LRRTM4: variants seen among roughly 807,000 people sequenced by gnomAD.
LRRTM4 encodes leucine rich repeat transmembrane neuronal 4, also known as leucine-rich repeat transmembrane neuronal protein 4.
A neutral mutation model predicts 47.6 loss-of-function variants in LRRTM4; 25 were observed. The ratio of observed to expected loss-of-function variants is 0.53; its 90% CI spans 0.38 to 0.73. The LOEUF (loss-of-function observed/expected upper bound fraction) is 0.73. Ranked by LOEUF, LRRTM4 falls within the 30% of genes least tolerant of loss-of-function variation. LRRTM4 has a pLI of 0.00. For synonymous variants in LRRTM4, 311 were observed against 269.5 expected, an observed-to-expected ratio of 1.15 and a Z score of -1.51; for missense variants, 638 against 713.4, an observed-to-expected ratio of 0.89 and a Z score of 1.20.
chr2:77,427,370 A>T (rs1675164272), intron 3 of LRRTM4, among the ~76,000 whole-genome samples: 1 of 152,242 alleles, frequency 6.6e-6, no homozygotes, highest in Non-Finnish European at 1.5e-5. Context: ...AAGGACTCTT[A>T]GTCCACAGTA....
chr2:77,108,556 T>G (rs1213227944), intron 3 of LRRTM4, among the ~76,000 whole-genome samples: 1 of 151,474 alleles, frequency 6.6e-6, no homozygotes, highest in Non-Finnish European at 1.5e-5. Context: ...AGTTATTTAA[T>G]TTTTTAAAGA....
chr2:77,473,724 G>A (rs191396959), intron 3 of LRRTM4, among the ~76,000 whole-genome samples: 6 of 152,176 alleles, frequency 3.9e-5, no homozygotes, highest in Admixed American at 2.6e-4. Context: ...TTTCAATAAA[G>A]TTACTGCCAG....
At chr2:76,956,614 T>C (rs1368930855) in intron 3 of LRRTM4, among the ~76,000 whole-genome samples, 1 of 150,704 alleles carries the variant, frequency 6.6e-6, no homozygotes, top group Non-Finnish European at 1.5e-5. Context: ...AAACACTTGA[T>C]AAGAAAAAAT....
chr2:77,257,039 T>C (rs9973471), intron 3 of LRRTM4, among the ~76,000 whole-genome samples: 1,702 of 152,014 alleles, frequency 0.011, 34 homozygotes, highest in African/African-American at 0.039. Flanking sequence ...AGAAGAAAAA[T>C]TGCGTGGTAA....
chr2:76,775,119 T>C (rs561105432), intron 3 of LRRTM4, among the ~76,000 whole-genome samples: 174 of 152,334 alleles, frequency 1.1e-3, no homozygotes, highest in African/African-American at 4.1e-3. Context: ...TTTGATTGGC[T>C]CTATCATAAA....
At chr2:77,487,526 C>T (rs1327507830) in intron 3 of LRRTM4, among the ~76,000 whole-genome samples, 1 of 152,192 alleles carries the variant, frequency 6.6e-6, no homozygotes, top group Non-Finnish European at 1.5e-5. Flanking sequence ...CTGAGGCCAG[C>T]TCAGCGTGGG....
At chr2:77,285,748 A>T (rs1325629618) in intron 3 of LRRTM4, among the ~76,000 whole-genome samples, 1 of 146,644 alleles carries the variant, frequency 6.8e-6, no homozygotes, top group Non-Finnish European at 1.5e-5. Context: ...TCTCAAAAAA[A>T]CAACAAAAAA....
At position 77,189,187 on chromosome 2, in the gene LRRTM4, G is replaced by A. The variant is rs898774996; in HGVS notation, c.1551+329131C>T. ...AAAGTAAAACCTACCAAGCTCTCTA[G>A]ATATATTTAAATCATCTAAACAATT... On this transcript the variant is annotated intron_variant, in intron 3 of 3. Coordinates refer to ENST00000409884, the MANE Select transcript of LRRTM4 (RefSeq NM_001134745.3). Among the ~76,000 whole-genome samples, 7 of 152,008 alleles carry A rather than the reference G, an allele frequency of 4.6e-5. No homozygotes were observed. In the East Asian group the frequency reaches 7.7e-4, roughly 17 times the overall value.
chr2:77,222,676 A>G (rs1361015024), intron 3 of LRRTM4, among the ~76,000 whole-genome samples: 1 of 152,210 alleles, frequency 6.6e-6, no homozygotes, highest in East Asian at 1.9e-4. Context: ...GAATCTTTGA[A>G]TAGACCAATA....
chr2:77,125,331 G>T (rs1303082859), intron 3 of LRRTM4, among the ~76,000 whole-genome samples: 1 of 152,140 alleles, frequency 6.6e-6, no homozygotes, highest in Non-Finnish European at 1.5e-5. Flanking sequence ...TGATGAAAAA[G>T]ATATTCTAGA....
intron 3 of LRRTM4, among the ~76,000 whole-genome samples, chr2:77,348,001 C>A (rs183446083): frequency 5.8e-4 from 86 of 149,200 alleles, no homozygotes; most frequent in Non-Finnish European, 4.9e-4. Context: ...TTGAAAAAAA[C>A]CAAACAATTA....
At chr2:77,006,051 C>T (rs770825681) in intron 3 of LRRTM4, among the ~76,000 whole-genome samples, 1 of 152,068 alleles carries the variant, frequency 6.6e-6, no homozygotes, top group East Asian at 1.9e-4. Flanking sequence ...AGAATACAAA[C>T]TCTTAAATGA....
chr2:77,407,682 TTAATA>T (rs1293247965), intron 3 of LRRTM4, among the ~76,000 whole-genome samples: 20 of 140,008 alleles, frequency 1.4e-4, no homozygotes, highest in Non-Finnish European at 2.3e-4. Context: ...TATATAATAT[TTAATA>T]TAATATATGA....
intron 3 of LRRTM4, among the ~76,000 whole-genome samples, chr2:77,423,722 A>G (rs1674994769): frequency 6.6e-6 from 1 of 152,212 alleles, no homozygotes; most frequent in Non-Finnish European, 1.5e-5. Flanking sequence ...ACTTCTCAAC[A>G]GTCAGAATTG....
At chr2:77,152,514 C>T (rs1573013680) in intron 3 of LRRTM4, among the ~76,000 whole-genome samples, 1 of 151,882 alleles carries the variant, frequency 6.6e-6, no homozygotes. Context: ...GTTTTTAGTA[C>T]AGACGGGGTT....
chr2:77,459,240 TACTTA>T (rs1676682279), intron 3 of LRRTM4, among the ~76,000 whole-genome samples: 1 of 152,130 alleles, frequency 6.6e-6, no homozygotes, highest in Non-Finnish European at 1.5e-5. Context: ...GCCAGGTTTT[TACTTA>T]ACTTTTGTTA....
chr2:76,796,890 T>C (rs1675359668), intron 3 of LRRTM4, among the ~76,000 whole-genome samples: 2 of 151,786 alleles, frequency 1.3e-5, no homozygotes. Flanking sequence ...GAAGATGAAA[T>C]GAAGCGAGAA....
chr2:77,097,488 A>G (rs368272935), intron 3 of LRRTM4, among the ~76,000 whole-genome samples: 7 of 152,122 alleles, frequency 4.6e-5, no homozygotes, highest in South Asian at 4.1e-4. Flanking sequence ...AAATTTCAAG[A>G]TTTCATGTTT....
intron 3 of LRRTM4, among the ~76,000 whole-genome samples, chr2:76,932,363 T>C (rs1245309792): frequency 6.6e-6 from 1 of 152,110 alleles, no homozygotes; most frequent in African/African-American, 2.4e-5. Context: ...CTTGTCTCCT[T>C]CTTTCCCCTA....
Sources: allele counts gnomAD v4.1 joint callset (sites outside exome capture counted in the v4.1 genomes callset), GRCh38; gene constraint gnomAD v4.1.1; transcripts MANE v1.5; gene names NCBI Gene and HGNC (gene_info 2026-07-23, HGNC 2026-07-21).